CD58: variants seen among roughly 807,000 people sequenced by gnomAD.
CD58 encodes the protein lymphocyte function-associated antigen 3.
CD58 carries 14 observed loss-of-function variants against 27.6 expected under a neutral mutation model. The observed-to-expected ratio is 0.51, with a 90% CI of 0.34 to 0.79. The LOEUF (loss-of-function observed/expected upper bound fraction) is 0.79. CD58 is among the 30% of genes least tolerant of loss of function. The pLI, the probability that CD58 is intolerant of heterozygous loss-of-function variation, is 0.02. For missense variants in CD58, 268 were observed against 301.7 expected, an observed-to-expected ratio of 0.89 and a Z score of 0.83; for synonymous variants, 117 against 103.8, an observed-to-expected ratio of 1.13 and a Z score of -0.77.
At chr1:116,562,210 G>A (rs1658779174) in intron 1 of CD58, among the ~76,000 whole-genome samples, 1 of 152,078 alleles carries the variant, frequency 6.6e-6, no homozygotes, top group African/African-American at 2.4e-5. Flanking sequence ...AATAATACAT[G>A]ACTTCTGCAT....
chr1:116,543,098 G>C (rs1046085835), intron 2 of CD58, among the ~76,000 whole-genome samples: 1 of 152,198 alleles, frequency 6.6e-6, no homozygotes, highest in African/African-American at 2.4e-5. Flanking sequence ...TGTGAGCACA[G>C]AATAGGCAAA....
In CD58 at chr1:116,516,826, T is replaced by C. The variant is rs993790604; in HGVS notation, c.744-2004A>G. 1.3e-5 allele frequency among the ~76,000 whole-genome samples: 2 copies of C among 152,322 alleles called. No individual in the cohort carries two copies. The highest frequency in any genetic ancestry group is 1.9e-4 in the East Asian group (1 of 5,188). On this transcript the variant is annotated intron_variant, in intron 5 of 5. Transcript: ENST00000369489. The surrounding 1 kb of genome is among the most constrained non-coding windows in gnomAD (Gnocchi z 6.1). ...CCTAAGTCCTTCTAAGAGTTTCGTA[T>C]GCTCATGTGCATCCATTCTCTCTCC... is the stretch of plus-strand genomic sequence containing the variant.
At chr1:116,518,729 C>T (rs565638201) in intron 5 of CD58, 1 of 991,652 alleles carries the variant, frequency 1.0e-6, no homozygotes, top group African/African-American at 1.7e-5. Context: ...AACACTGCTG[C>T]TAATTGTGTT....
intron 1 of CD58, among the ~76,000 whole-genome samples, chr1:116,569,213 G>C (rs757930235): frequency 6.6e-6 from 1 of 152,184 alleles, no homozygotes; most frequent in African/African-American, 2.4e-5. Context: ...ATCCCTGTTT[G>C]TATCTCTTCT....
At chr1:116,533,740 G>T in intron 3 of CD58, 1 of 702,896 alleles carries the variant, frequency 1.4e-6, no homozygotes, top group Non-Finnish European at 2.6e-6. Context: ...TTCCATATCA[G>T]ATGTTGGTTC....
At chr1:116,549,765 T>C (rs949160569) in intron 1 of CD58, among the ~76,000 whole-genome samples, 3 of 152,214 alleles carry the variant, frequency 2.0e-5, no homozygotes, top group African/African-American at 7.2e-5. Context: ...CATCTTTCAA[T>C]ATTTTTCTCT....
Position 116,534,006 on chromosome 1 carries a change from A to T in CD58, c.628+1959T>A. 1 of 1,341,210 alleles carries T rather than the reference A, an allele frequency of 7.5e-7. No homozygotes were observed. The highest frequency in any genetic ancestry group is 1.1e-6 in the Non-Finnish European group (1 of 936,318). The allele number at this position is 1,341,210 out of a possible 1,614,324, so 83.1% of individuals were successfully genotyped here. On this transcript the variant is annotated intron_variant, in intron 3 of 5. Coordinates refer to ENST00000369489, the MANE Select transcript of CD58 (RefSeq NM_001779.3). This position sits in a 1 kb window ranked among gnomAD's most constrained non-coding sequence, Gnocchi z 5.3. ...AAACTCCAGGATTCTGCATCACCTG[A>T]TCCGTGAGCTTTTCCGTCTTACTTG...
Position 116,523,123 on chromosome 1 carries a change from A to G in CD58, c.629-1140T>C, listed in dbSNP as rs1473798601. Among the ~76,000 whole-genome samples, 4 of 152,224 alleles carry G rather than the reference A, an allele frequency of 2.6e-5. No homozygotes were observed. The highest frequency in any genetic ancestry group is 4.8e-5 in the African/African-American group (2 of 41,460). ...TCTAAGATGTTATCCTGGGGAAAAT[A>G]TCAATGATGTGCCCTTCTACTCCCC... On this transcript the variant is annotated intron_variant, in intron 3 of 5. Coordinates refer to ENST00000369489, the MANE Select transcript of CD58 (RefSeq NM_001779.3). This position sits in a 1 kb window ranked among gnomAD's most constrained non-coding sequence, Gnocchi z 4.4.
In CD58 at chr1:116,523,032, T is replaced by G. The variant is rs1268754203; in HGVS notation, c.629-1049A>C. On this transcript the variant is annotated intron_variant, in intron 3 of 5. Transcript: ENST00000369489. The surrounding 1 kb of genome is among the most constrained non-coding windows in gnomAD (Gnocchi z 4.4). ...ATTTAAGAACAGCTGTTATATACTG[T>G]CATTAACCTATTGAGTAGATGTTAT... is the stretch of plus-strand genomic sequence containing the variant. Among the ~76,000 whole-genome samples the G allele has an allele frequency of 6.6e-6, 1 of 152,216 alleles. No homozygotes were observed. The highest frequency in any genetic ancestry group is 1.5e-5 in the Non-Finnish European group (1 of 68,032).
chr1:116,541,788 G>C lies in CD58; in HGVS notation c.364+2523C>G, dbSNP rs12141411. On this transcript the variant is annotated intron_variant, in intron 2 of 5. Transcript: ENST00000369489. The surrounding 1 kb of genome is among the most constrained non-coding windows in gnomAD (Gnocchi z 5.3). ...GAGCTCGGCGGGGTACTCTGGGCTA[G>C]AGCTCTAGATCTGTACATTATTAGC... 4.8e-4 allele frequency among the ~76,000 whole-genome samples: 73 copies of C among 152,034 alleles called. No homozygotes were observed. The highest frequency in any genetic ancestry group is 1.7e-3 in the African/African-American group (70 of 41,392).
At chr1:116,569,433 G>C (rs895294587) in intron 1 of CD58, among the ~76,000 whole-genome samples, 2 of 152,044 alleles carry the variant, frequency 1.3e-5, no homozygotes, top group Non-Finnish European at 2.9e-5. Context: ...GACTCCCTAA[G>C]GGGACACTCA....
At position 116,544,565 on chromosome 1, in the gene CD58, A is replaced by G; in HGVS notation, c.110T>C (p.Val37Ala). The G allele has an allele frequency of 6.2e-7, 1 of 1,608,564 alleles. No homozygotes were observed. Among genetic ancestry groups the G allele is most frequent in the Non-Finnish European group, 8.5e-7 (1 of 1,177,438 alleles). ...SCFSQQIYGV[V>A]YGNVTFHVPS... ...TACATGGAAAGTTACATTCCCATAC[A>G]CAACACCATATATTTGTTGGGAAAA... The change falls in exon 2 of 6, where the codon GTG becomes GCG. Residue 37 changes from valine to alanine, a missense_variant. Physicochemically the swap from Val to Ala is moderately conservative, Grantham distance 64. Coordinates refer to ENST00000369489, the MANE Select transcript of CD58 (RefSeq NM_001779.3).
In CD58 at chr1:116,524,258, T is replaced by C. The variant is rs1657358391; in HGVS notation, c.629-2275A>G. On this transcript the variant is annotated intron_variant, in intron 3 of 5. Transcript: ENST00000369489. This position sits in a 1 kb window ranked among gnomAD's most constrained non-coding sequence, Gnocchi z 4.6. ...TGAAGGTGGCCAATCATCCTGGTTT[T>C]CCTGAAACTGAAGAGTTTCCTGGGA... Among the ~76,000 whole-genome samples the C allele has an allele frequency of 6.6e-6, 1 of 152,200 alleles. No homozygotes were observed. Among genetic ancestry groups the C allele is most frequent in the South Asian group, 2.1e-4 (1 of 4,830 alleles).
chr1:116,565,513 A>ACTAC (rs1196868633), intron 1 of CD58, among the ~76,000 whole-genome samples: 1 of 152,146 alleles, frequency 6.6e-6, no homozygotes, highest in Non-Finnish European at 1.5e-5. Flanking sequence ...AGCTGAATGA[A>ACTAC]CTACCATATA....
chr1:116,546,726 G>A lies in CD58; in HGVS notation c.71-2122C>T, dbSNP rs891040799. Among the ~76,000 whole-genome samples, 1 of 152,172 alleles carries A rather than the reference G, an allele frequency of 6.6e-6. No homozygotes were observed. The highest frequency in any genetic ancestry group is 1.5e-5 in the Non-Finnish European group (1 of 68,026). On this transcript the variant is annotated intron_variant, in intron 1 of 5. Transcript: ENST00000369489. This position sits in a 1 kb window ranked among gnomAD's most constrained non-coding sequence, Gnocchi z 4.1. ...CAGTAGAAGAAAGTAGTCAGGAATG[G>A]AGCTAGTGGTGGAGGGAAGTGAGGG...
chr1:116,520,528 G>T (rs1290854549), intron 4 of CD58, among the ~76,000 whole-genome samples: 5 of 145,568 alleles, frequency 3.4e-5, no homozygotes, highest in Admixed American at 1.4e-4. Flanking sequence ...TTTTTTAAGT[G>T]AAATCAACCA....
chr1:116,520,122 G>GT (rs1657219287), intron 4 of CD58, among the ~76,000 whole-genome samples: 1 of 152,088 alleles, frequency 6.6e-6, no homozygotes, highest in Admixed American at 6.6e-5. Flanking sequence ...TGCTTGCTGA[G>GT]TTTTTTTGTT....
intron 2 of CD58, among the ~76,000 whole-genome samples, chr1:116,543,065 G>A (rs1386772181): frequency 6.6e-6 from 1 of 152,214 alleles, no homozygotes; most frequent in Non-Finnish European, 1.5e-5. Flanking sequence ...GTAGGGTGGT[G>A]TATTTTTCTG....
intron 1 of CD58, among the ~76,000 whole-genome samples, chr1:116,555,471 G>A (rs1025279349): frequency 1.3e-5 from 2 of 152,224 alleles, no homozygotes; most frequent in African/African-American, 4.8e-5. Context: ...GAGAGATGGA[G>A]GGAGGGAAAA....
Sources: allele counts gnomAD v4.1 joint callset (sites outside exome capture counted in the v4.1 genomes callset), GRCh38; gene constraint gnomAD v4.1.1; non-coding constraint Gnocchi (gnomAD v3.1); transcripts MANE v1.5; gene names NCBI Gene and HGNC (gene_info 2026-07-23, HGNC 2026-07-21).